FCHSD2: variants seen among roughly 807,000 people sequenced by gnomAD.
FCHSD2 encodes FCH and double SH3 domains 2.
Under a neutral mutation model 108.1 loss-of-function variants are expected in FCHSD2, and 38 were observed. That is an observed-to-expected ratio of 0.35 (90% CI 0.27 to 0.46). The LOEUF (loss-of-function observed/expected upper bound fraction) is 0.46. Among genes scored for constraint, FCHSD2 ranks in the 20% least tolerant of loss-of-function variants. The probability of loss-of-function intolerance (pLI) is 1.00; values close to 1 mark genes in which losing one functional copy is unlikely to be tolerated. For missense variants in FCHSD2, 751 were observed against 897.8 expected, an observed-to-expected ratio of 0.84 and a Z score of 2.09; for synonymous variants, 279 against 314.7, an observed-to-expected ratio of 0.89 and a Z score of 1.20.
intron 10 of FCHSD2, among the ~76,000 whole-genome samples, chr11:72,901,872 T>TTTG (rs1855533842): frequency 6.6e-6 from 1 of 152,070 alleles, no homozygotes; most frequent in African/African-American, 2.4e-5. Flanking sequence ...CTGGTTTTTT[T>TTTG]TTTGTTTGTT....
At chr11:73,013,965 C>G (rs1025550287) in intron 4 of FCHSD2, among the ~76,000 whole-genome samples, 2 of 152,068 alleles carry the variant, frequency 1.3e-5, no homozygotes, top group African/African-American at 2.4e-5. Flanking sequence ...TCTTCTTAGG[C>G]TGATTTCCTT....
intron 5 of FCHSD2, among the ~76,000 whole-genome samples, chr11:72,998,761 A>G (rs35496888): frequency 6.6e-6 from 1 of 152,214 alleles, no homozygotes; most frequent in African/African-American, 2.4e-5. Context: ...GATCAAAGCC[A>G]CAATAAAATA....
intron 8 of FCHSD2, among the ~76,000 whole-genome samples, chr11:72,928,048 TA>T (rs990464417): frequency 6.6e-6 from 1 of 152,166 alleles, no homozygotes; most frequent in Non-Finnish European, 1.5e-5. Flanking sequence ...AGGATAAAGG[TA>T]AAGGATGTGG....
At chr11:72,853,687 T>C (rs1861352372) in intron 13 of FCHSD2, among the ~76,000 whole-genome samples, 1 of 151,986 alleles carries the variant, frequency 6.6e-6, no homozygotes, top group African/African-American at 2.4e-5. Context: ...TTAAATATGA[T>C]ACCAAGAGCA....
At chr11:72,873,453 T>G (rs1018693540) in intron 12 of FCHSD2, among the ~76,000 whole-genome samples, 1 of 152,218 alleles carries the variant, frequency 6.6e-6, no homozygotes, top group African/African-American at 2.4e-5. Flanking sequence ...CTTTTTATTA[T>G]TATGAGTTTT....
chr11:72,922,562 C>G (rs917071804), intron 8 of FCHSD2, among the ~76,000 whole-genome samples: 2 of 151,904 alleles, frequency 1.3e-5, no homozygotes, highest in Non-Finnish European at 2.9e-5. Flanking sequence ...GAGAAAATCA[C>G]TGAACATTTG....
chr11:73,068,761 G>A (rs1306721169), intron 3 of FCHSD2, among the ~76,000 whole-genome samples: 1 of 143,104 alleles, frequency 7.0e-6, no homozygotes, highest in Admixed American at 7.3e-5. Flanking sequence ...CTTGAGCCCA[G>A]GAGTTCAAAA....
intron 5 of FCHSD2, 57 bp downstream of exon 5, chr11:73,000,933 T>A: frequency 2.8e-6 from 4 of 1,448,412 alleles, no homozygotes; most frequent in Non-Finnish European, 3.8e-6. Flanking sequence ...CCTTGCAGAT[T>A]ATAAATGTAG....
intron 3 of FCHSD2, among the ~76,000 whole-genome samples, chr11:73,063,841 G>T (rs1859226483): frequency 1.3e-5 from 2 of 151,932 alleles, no homozygotes; most frequent in Non-Finnish European, 2.9e-5. Flanking sequence ...AATAATAATG[G>T]GAGACTTTAA....
chr11:73,141,884 G>A lies in FCHSD2; in HGVS notation c.-7C>T. ...TCCTCGGCGGCGGCTGCATGATGCT[G>A]AAGGGACATCAATCCTCCCCGACGG... On this transcript the variant is annotated 5_prime_UTR_variant, in exon 1 of 20. An upstream open reading frame in the 5' UTR gains an earlier in-frame stop. Transcript: ENST00000409418. The A allele has an allele frequency of 6.5e-7, 1 of 1,545,530 alleles. No homozygotes were observed. The highest frequency in any genetic ancestry group is 8.7e-7 in the Non-Finnish European group (1 of 1,146,218).
intron 12 of FCHSD2, among the ~76,000 whole-genome samples, chr11:72,884,181 G>C (rs1167314444): frequency 6.6e-6 from 1 of 151,952 alleles, no homozygotes; most frequent in East Asian, 1.9e-4. Context: ...AACTATTTCT[G>C]CCTAAAACAC....
chr11:73,136,486 G>A (rs1288269933), intron 2 of FCHSD2, among the ~76,000 whole-genome samples: 1 of 145,336 alleles, frequency 6.9e-6, no homozygotes, highest in African/African-American at 2.5e-5. Flanking sequence ...AGGAGAGGTT[G>A]CAGTAAGCAG....
Position 73,052,626 on chromosome 11 carries a change from T to C in FCHSD2, c.165+31069A>G, listed in dbSNP as rs957928451. ...AATAAACAATGAAACAAATTCTTAG[T>C]GTTTCTGCAAGATAAAAAAGTTTGG... On this transcript the variant is annotated intron_variant, in intron 3 of 19. Transcript: ENST00000409418. Among the ~76,000 whole-genome samples the C allele has an allele frequency of 2.0e-5, 3 of 152,142 alleles. No homozygotes were observed. The South Asian group carries it at 6.2e-4, about 31-fold the overall frequency.
chr11:72,935,066 A>C (rs1168123275), intron 8 of FCHSD2, among the ~76,000 whole-genome samples: 1 of 152,166 alleles, frequency 6.6e-6, no homozygotes, highest in South Asian at 2.1e-4. Context: ...TTTGGAACCT[A>C]AACTCCCAAA....
intron 8 of FCHSD2, among the ~76,000 whole-genome samples, chr11:72,967,707 C>A (rs77731311): frequency 0.045 from 6,891 of 152,114 alleles, 419 homozygotes; most frequent in African/African-American, 0.14. Flanking sequence ...GGTTGTACAA[C>A]CTAGTAAATA....
intron 12 of FCHSD2, among the ~76,000 whole-genome samples, chr11:72,879,192 C>T (rs971380568): frequency 6.6e-6 from 1 of 152,100 alleles, no homozygotes; most frequent in Non-Finnish European, 1.5e-5. Flanking sequence ...GGTGTATACC[C>T]ACGGCATTAG....
chr11:73,041,558 C>T (rs889351477), intron 3 of FCHSD2, among the ~76,000 whole-genome samples: 4 of 151,800 alleles, frequency 2.6e-5, no homozygotes, highest in Non-Finnish European at 5.9e-5. Context: ...CATATCCTTT[C>T]CCAACTTGTT....
chr11:73,004,509 C>G (rs1857698781), intron 4 of FCHSD2, among the ~76,000 whole-genome samples: 1 of 152,172 alleles, frequency 6.6e-6, no homozygotes, highest in African/African-American at 2.4e-5. Flanking sequence ...GGTCCTACCC[C>G]CTTTCCATTG....
At chr11:72,843,730 CA>C in intron 14 of FCHSD2, 198 bp from the exon 15 acceptor site, 1 of 562,998 alleles carries the variant, frequency 1.8e-6, no homozygotes, top group Non-Finnish European at 3.1e-6. Flanking sequence ...AAAACCATAA[CA>C]AAAACTCAAG....
Sources: gnomAD v4.1 joint callset for allele counts (sites outside exome capture counted in the v4.1 genomes callset) on GRCh38, gnomAD v4.1.1 for gene constraint, MANE v1.5 for transcripts, NCBI Gene and HGNC (gene_info 2026-07-23, HGNC 2026-07-21) for gene names.